The following DMD variants were observed in gnomAD, a reference collection of about 807,000 sequenced individuals.
The protein encoded by DMD is mutant dystrophin.
In DMD, 63 loss-of-function variants were observed where a neutral mutation model predicts 330.1. That is an observed-to-expected ratio of 0.19 (90% CI 0.16 to 0.24). The LOEUF is 0.24. DMD is among the 10% of genes least tolerant of loss of function. The pLI is 1.00. For missense variants in DMD, 3,344 were observed against 2,684.1 expected, an observed-to-expected ratio of 1.25 and a Z score of -5.43; for synonymous variants, 1,223 against 959.8, an observed-to-expected ratio of 1.27 and a Z score of -5.07.
Position 32,048,329 on chromosome X carries a change from G to A in DMD, c.6439-79815C>T, listed in dbSNP as rs147962811. 4.7e-3 allele frequency among the ~76,000 whole-genome samples: 489 copies of A among 104,498 alleles called. 6 individuals are homozygous for A. The highest frequency in any genetic ancestry group is 0.016 in the African/African-American group (466 of 28,739). The allele number at this position is 104,498 out of a possible 115,157, so 90.7% of individuals were successfully genotyped here. A position where few individuals can be genotyped will look rare whatever the true frequency, so the allele number is the denominator to read the frequency against. ...TTTTTTTTTTCATCTGGAGGCCTCCGTTCCCAAGCATGCTTTTAAATTTTT... is the reference window on the plus strand; with the variant it reads ...TTTTTTTTTTCATCTGGAGGCCTCCATTCCCAAGCATGCTTTTAAATTTTT... On this transcript the variant is annotated intron_variant, in intron 44 of 78. Transcript: ENST00000357033.
intron 2 of DMD, among the ~76,000 whole-genome samples, chrX:32,940,633 C>T (rs1361387443): frequency 2.7e-5 from 3 of 111,207 alleles, no homozygotes; most frequent in Non-Finnish European, 5.7e-5. Flanking sequence ...CCCTAATTTT[C>T]GACATGTATA....
At chrX:33,098,256 A>T (rs1170938542) in intron 1 of DMD, among the ~76,000 whole-genome samples, 1 of 111,640 alleles carries the variant, frequency 9.0e-6, no homozygotes, top group Non-Finnish European at 1.9e-5. Context: ...TTTAAATATC[A>T]CAAAACTGGT....
intron 1 of DMD, among the ~76,000 whole-genome samples, chrX:33,226,680 T>C (rs1354501725): frequency 9.0e-6 from 1 of 111,135 alleles, no homozygotes; most frequent in African/African-American, 3.3e-5. Context: ...CTTGTTGTAA[T>C]ATTGTTCTAT....
At chrX:31,178,857 C>T in intron 69 of DMD, 52 bp from the exon 70 acceptor site, 2 of 1,165,223 alleles carry the variant, frequency 1.7e-6, no homozygotes, top group South Asian at 1.8e-5. Context: ...GATTTCAAAA[C>T]TAATGACCAC....
chrX:32,473,783 A>C (rs1417770037), intron 21 of DMD, among the ~76,000 whole-genome samples: 1 of 111,534 alleles, frequency 9.0e-6, no homozygotes, highest in Non-Finnish European at 1.9e-5. Context: ...AGTACTTAAA[A>C]TCTGTTTTAA....
intron 55 of DMD, among the ~76,000 whole-genome samples, chrX:31,579,511 C>A (rs1304379831): frequency 8.9e-6 from 1 of 112,055 alleles, no homozygotes; most frequent in Non-Finnish European, 1.9e-5. Flanking sequence ...ATGTGGTTTG[C>A]TGAACAGTAG....
intron 55 of DMD, among the ~76,000 whole-genome samples, chrX:31,584,959 A>G (rs2076517641): frequency 9.1e-6 from 1 of 109,931 alleles, no homozygotes; most frequent in African/African-American, 3.3e-5. Flanking sequence ...ATAGTCACAC[A>G]ATAGCCAGAA....
intron 1 of DMD, among the ~76,000 whole-genome samples, chrX:33,180,827 A>C (rs2049957520): frequency 1.0e-5 from 1 of 95,439 alleles, no homozygotes; most frequent in Admixed American, 1.3e-4. Flanking sequence ...CCATATCGAG[A>C]GATAATGTCT....
At chrX:31,689,750 T>C (rs746562315) in intron 52 of DMD, among the ~76,000 whole-genome samples, 1 of 111,856 alleles carries the variant, frequency 8.9e-6, no homozygotes, top group African/African-American at 3.3e-5. Flanking sequence ...CAAAACAGCA[T>C]GGTACTGGTA....
At chrX:31,544,279 G>C (rs1202370160) in intron 55 of DMD, among the ~76,000 whole-genome samples, 3 of 104,757 alleles carry the variant, frequency 2.9e-5, no homozygotes, top group Non-Finnish European at 5.8e-5. Flanking sequence ...AGCCGAGATT[G>C]TGCCATTGCA....
chrX:32,124,682 A>G (rs772786144), intron 44 of DMD, among the ~76,000 whole-genome samples: 49 of 111,893 alleles, frequency 4.4e-4, no homozygotes, highest in African/African-American at 1.5e-3. Flanking sequence ...ACAGATAATA[A>G]TCAAATCCTC....
chrX:32,007,295 G>A (rs150600823), intron 44 of DMD, among the ~76,000 whole-genome samples: 3,616 of 109,083 alleles, frequency 0.033, 63 homozygotes, highest in Non-Finnish European at 0.053. Flanking sequence ...AGAGGGTTAT[G>A]TGAGGTCAGG....
intron 30 of DMD, among the ~76,000 whole-genome samples, chrX:32,406,043 GCTCT>G (rs1171348767): frequency 9.0e-6 from 1 of 111,099 alleles, no homozygotes; most frequent in Non-Finnish European, 1.9e-5. Flanking sequence ...TCATGATTTG[GCTCT>G]CTGTTTGTCT....
intron 1 of DMD, among the ~76,000 whole-genome samples, chrX:33,070,627 C>T (rs1177100014): frequency 1.1e-5 from 1 of 94,545 alleles, no homozygotes; most frequent in Non-Finnish European, 2.1e-5. Context: ...GTATCTATAT[C>T]TGTATCTATC....
rs779558935 is a variant in DMD, at chrX:32,328,936, T to C, written c.5922+13164A>G. Among the ~76,000 whole-genome samples, 199 of 111,690 alleles carry C rather than the reference T, an allele frequency of 1.8e-3. 1 individual carries two copies. The highest frequency in any genetic ancestry group is 4.1e-3 in the South Asian group (11 of 2,671). On this transcript the variant is annotated intron_variant, in intron 41 of 78. Coordinates refer to ENST00000357033, the MANE Select transcript of DMD (RefSeq NM_004006.3). ...TGGACCATTGAAAACTTCTGGACCA[T>C]GGCAGACTGGCATTAGGATACCACT...
At chrX:32,797,473 A>C (rs1045735841) in intron 7 of DMD, among the ~76,000 whole-genome samples, 2 of 112,781 alleles carry the variant, frequency 1.8e-5, no homozygotes, top group African/African-American at 6.4e-5. Context: ...AGAATGGTCA[A>C]AATGTTTTTG....
At position 32,474,492 on chromosome X, in the gene DMD, G is replaced by A. The variant is rs928900701; in HGVS notation, c.2804-2183C>T. 5.4e-5 allele frequency among the ~76,000 whole-genome samples: 6 copies of A among 111,679 alleles called. No individual in the cohort carries two copies. The Admixed American group carries it at 5.7e-4, about 11-fold the overall frequency. ...AAATCCCCATCAGCAGTGTAGAAGT[G>A]TTACCTGATCACCACATCCACGCAA... On this transcript the variant is annotated intron_variant, in intron 21 of 78. Transcript: ENST00000357033.
intron 17 of DMD, among the ~76,000 whole-genome samples, chrX:32,528,206 G>A (rs1458151311): frequency 9.0e-6 from 1 of 110,929 alleles, no homozygotes; most frequent in Non-Finnish European, 1.9e-5. Flanking sequence ...CTACTCGGGA[G>A]GCTGAGGCAG....
chrX:32,661,227 T>C (rs1474476706), intron 9 of DMD, among the ~76,000 whole-genome samples: 1 of 111,495 alleles, frequency 9.0e-6, no homozygotes, highest in Non-Finnish European at 1.9e-5. Flanking sequence ...TGCTTTAAAT[T>C]ATAATGCTGT....
Sources: allele counts gnomAD v4.1 joint callset (sites outside exome capture counted in the v4.1 genomes callset), GRCh38; gene constraint gnomAD v4.1.1; transcripts MANE v1.5; gene names NCBI Gene and HGNC (gene_info 2026-07-23, HGNC 2026-07-21).